Variants in ANAPC4 observed in about 807,000 individuals in gnomAD.
ANAPC4 encodes the protein anaphase-promoting complex subunit 4.
A neutral mutation model predicts 119.8 loss-of-function variants in ANAPC4; 63 were observed. The ratio of observed to expected loss-of-function variants is 0.53; its 90% CI spans 0.43 to 0.65. The LOEUF (loss-of-function observed/expected upper bound fraction) is 0.65. Among genes scored for constraint, ANAPC4 ranks in the 30% least tolerant of loss-of-function variants. The pLI is 0.00. For missense variants in ANAPC4, 716 were observed against 945.1 expected, an observed-to-expected ratio of 0.76 and a Z score of 3.18; for synonymous variants, 283 against 318.6, an observed-to-expected ratio of 0.89 and a Z score of 1.19.
rs752743307 is a variant in ANAPC4, at chr4:25,407,162, G to GAAAA, written c.1375-34_1375-33insAAAA. 1.9e-6 allele frequency: 3 copies of GAAAA among 1,543,430 alleles called. No homozygotes were observed. The South Asian group carries it at 3.5e-5, about 18-fold the overall frequency. On this transcript the variant is annotated intron_variant, in intron 19 of 28. Coordinates refer to ENST00000315368, the MANE Select transcript of ANAPC4 (RefSeq NM_013367.3). ...TTTAAGATATTTTTCTTCGTGAGTTGACTTAAGAATTAAACTATGTTTATT... is the reference window on the plus strand; with the variant it reads ...TTTAAGATATTTTTCTTCGTGAGTTGAAAAACTTAAGAATTAAACTATGTTTATT...
chr4:25,387,020 G>T (rs1722075468), intron 4 of ANAPC4, among the ~76,000 whole-genome samples: 1 of 151,952 alleles, frequency 6.6e-6, no homozygotes, highest in East Asian at 1.9e-4. Flanking sequence ...TCCATTTCAT[G>T]ATTTATATCA....
In ANAPC4 at chr4:25,393,795, T is replaced by C; in HGVS notation, c.790-10T>C. 1 of 1,555,132 alleles carries C rather than the reference T, an allele frequency of 6.4e-7. No homozygotes were observed. The highest frequency in any genetic ancestry group is 8.7e-7 in the Non-Finnish European group (1 of 1,146,712). On this transcript the variant is annotated splice_polypyrimidine_tract_variant and intron_variant, in intron 10 of 28. Coordinates refer to ENST00000315368, the MANE Select transcript of ANAPC4 (RefSeq NM_013367.3). ...TTTTTACCATTTCAATTTTTCTTTT[T>C]TGCTAATAGTATATAAATTTGTCAC...
At chr4:25,402,865 A>C (rs1195224171) in intron 16 of ANAPC4, 106 bp from the exon 17 acceptor site, 2 of 546,624 alleles carry the variant, frequency 3.7e-6, no homozygotes, top group Admixed American at 4.0e-5. Flanking sequence ...CCCAGATAGG[A>C]TAAAATAGAA....
chr4:25,377,480 A>G lies in ANAPC4; in HGVS notation c.53A>G (p.Gln18Arg). 6.2e-7 allele frequency: 1 copy of G among 1,614,120 alleles called. No individual in the cohort carries two copies. Among genetic ancestry groups the G allele is most frequent in the Non-Finnish European group, 8.5e-7 (1 of 1,180,000 alleles). ...FPSFRVVGEK[Q>R]LPQEIIFLVW... ...TCCTTCCGGGTGGTGGGAGAGAAGCAGCTCCCGCAGGAGATTATTTTCCTG... is the reference window on the plus strand; with the variant it reads ...TCCTTCCGGGTGGTGGGAGAGAAGCGGCTCCCGCAGGAGATTATTTTCCTG... Residue 18 changes from glutamine (Q) to arginine (R), a missense_variant, in exon 2 of 29, where the codon CAG becomes CGG. Physicochemically the swap from Gln to Arg is conservative, Grantham distance 43. Coordinates refer to ENST00000315368, the MANE Select transcript of ANAPC4 (RefSeq NM_013367.3).
Position 25,418,338 on chromosome 4 carries a change from A to G in ANAPC4, c.2383A>G (p.Ile795Val), listed in dbSNP as rs1723996392. The G allele has an allele frequency of 1.2e-6, 2 of 1,614,062 alleles. No individual in the cohort carries two copies. Among genetic ancestry groups the G allele is most frequent in the Non-Finnish European group, 1.7e-6 (2 of 1,179,948 alleles). Residue 795 changes from isoleucine (I) to valine (V), a missense_variant, in exon 29 of 29, where the codon ATA becomes GTA. Around this residue, in one of 3 missense-constraint regions of ANAPC4, gnomAD observed 504 missense variants for 615.8 expected, o/e 0.82. Transcript: ENST00000315368. ...TGGTGCTGCCGCTTTAGCTCCAGAGATAGTCATTAAAGTGGAAAAACTTGA... is the reference window on the plus strand; with the variant it reads ...TGGTGCTGCCGCTTTAGCTCCAGAGGTAGTCATTAAAGTGGAAAAACTTGA... Reference protein sequence around the residue: ...QAGAAALAPEIVIKVEKLDPE... With the variant: ...QAGAAALAPEVVIKVEKLDPE...
chr4:25,414,423 G>A, intron 23 of ANAPC4, 38 bp downstream of exon 23: 1 of 1,595,818 alleles, frequency 6.3e-7, no homozygotes, highest in Non-Finnish European at 8.6e-7. Context: ...TAATTCCGCA[G>A]CCAATTTAAA....
chr4:25,391,085 C>A, intron 9 of ANAPC4, 70 bp downstream of exon 9: 10 of 1,140,764 alleles, frequency 8.8e-6, no homozygotes, highest in Non-Finnish European at 1.3e-5. Flanking sequence ...GGTTTTTATC[C>A]ACATCTCACT....
intron 14 of ANAPC4, chr4:25,395,134 C>T: frequency 2.4e-6 from 1 of 409,578 alleles, no homozygotes; most frequent in Non-Finnish European, 4.3e-6. Context: ...TAGACTCTAT[C>T]TGGGTTTTTT....
chr4:25,409,909 A>G, intron 21 of ANAPC4, 118 bp downstream of exon 21: 1 of 651,992 alleles, frequency 1.5e-6, no homozygotes, highest in East Asian at 2.8e-5. Flanking sequence ...AGTTTATTAG[A>G]CTTATATTTA....
intron 8 of ANAPC4, 78 bp downstream of exon 8, chr4:25,390,298 A>T (rs1036931881): frequency 2.8e-6 from 3 of 1,068,412 alleles, no homozygotes; most frequent in Admixed American, 2.6e-5. Flanking sequence ...AAAGAATAAA[A>T]CACTAGGTTT....
chr4:25,414,155 TC>T (rs1723729625), intron 22 of ANAPC4, 168 bp from the exon 23 acceptor site: 1 of 539,060 alleles, frequency 1.9e-6, no homozygotes, highest in African/African-American at 2.0e-5. Context: ...CTCAGAATTT[TC>T]TCTTTTTCCT....
intron 7 of ANAPC4, among the ~76,000 whole-genome samples, 200 bp downstream of exon 7, chr4:25,389,082 C>T (rs1157124217): frequency 6.6e-6 from 1 of 152,012 alleles, no homozygotes; most frequent in East Asian, 1.9e-4. Flanking sequence ...CCTCTACTTC[C>T]TGGGCACAAG....
intron 21 of ANAPC4, among the ~76,000 whole-genome samples, chr4:25,411,808 C>G (rs566150896): frequency 6.6e-6 from 1 of 152,318 alleles, no homozygotes; most frequent in East Asian, 1.9e-4. Flanking sequence ...GCACTTTTTA[C>G]TCAGTGTTTC....
At position 25,383,279 on chromosome 4, in the gene ANAPC4, C is replaced by G; in HGVS notation, c.254C>G (p.Ala85Gly). Residue 85 changes from alanine to glycine, a missense_variant, in exon 4 of 29, where the codon GCT (alanine) becomes GGT (glycine). By Grantham distance (60) the Ala-to-Gly change is moderately conservative. Coordinates refer to ENST00000315368, the MANE Select transcript of ANAPC4 (RefSeq NM_013367.3). The part of the protein sequence containing the change: ...PDGKLLAFAL[A>G]DTKKIVLCDV... ...GTTTTAGTTTTGGCCTTTGCTCTTG[C>G]TGATACCAAGAAAATTGTTTTGTGT... 1 of 1,608,068 alleles carries G rather than the reference C, an allele frequency of 6.2e-7. No individual in the cohort carries two copies.
chr4:25,417,897 G>T, intron 28 of ANAPC4, 158 bp downstream of exon 28: 1 of 1,073,718 alleles, frequency 9.3e-7, no homozygotes, highest in Non-Finnish European at 1.3e-6. Flanking sequence ...GGTGGCCTTA[G>T]CTATTTAGTT....
chr4:25,414,433 A>T, intron 23 of ANAPC4, 33 bp from the exon 24 acceptor site: 1 of 1,597,206 alleles, frequency 6.3e-7, no homozygotes, highest in East Asian at 2.2e-5. Flanking sequence ...GCCAATTTAA[A>T]TTTTTCTCAT....
chr4:25,377,322 T>C lies in ANAPC4; in HGVS notation c.-33T>C. 1.4e-6 allele frequency: 2 copies of C among 1,476,394 alleles called. No homozygotes were observed. The highest frequency in any genetic ancestry group is 1.8e-6 in the Non-Finnish European group (2 of 1,099,242). 91.5% of individuals were successfully genotyped at this position (1,476,394 alleles called of 1,614,324 possible). A position where few individuals can be genotyped will look rare whatever the true frequency, so the allele number is the denominator to read the frequency against. ...GGAGAGGCCACTGGGGCCGTGTTAG[T>C]CTGCCGGTGGGGACTCTTGCAGGTA... On this transcript the variant is annotated 5_prime_UTR_variant, in exon 1 of 29. Transcript: ENST00000315368.
intron 7 of ANAPC4, among the ~76,000 whole-genome samples, chr4:25,389,439 G>A (rs1199953534): frequency 6.6e-6 from 1 of 151,822 alleles, no homozygotes; most frequent in Non-Finnish European, 1.5e-5. Context: ...TTACAGGCGT[G>A]AGCCACCGCG....
At chr4:25,410,777 T>A (rs1443677730) in intron 21 of ANAPC4, among the ~76,000 whole-genome samples, 1 of 152,208 alleles carries the variant, frequency 6.6e-6, no homozygotes, top group Middle Eastern at 3.2e-3. Context: ...AGTCAAGACT[T>A]TGTTTCAAGC....
Sources: allele counts gnomAD v4.1 joint callset (sites outside exome capture counted in the v4.1 genomes callset), GRCh38; gene constraint gnomAD v4.1.1; regional missense constraint gnomAD v4.1.1; transcripts MANE v1.5; gene names NCBI Gene and HGNC (gene_info 2026-07-23, HGNC 2026-07-21).